The following CSMD3 variants were observed in gnomAD, a reference collection of about 807,000 sequenced individuals.
The protein encoded by CSMD3 is CUB and Sushi multiple domains 3.
CSMD3 carries 177 observed loss-of-function variants against 435.2 expected under a neutral mutation model. The ratio of observed to expected loss-of-function variants is 0.41; its 90% CI spans 0.36 to 0.46. The LOEUF (loss-of-function observed/expected upper bound fraction) is 0.46, where lower values mean the gene tolerates loss of function less well. Among genes scored for constraint, CSMD3 ranks in the 20% least tolerant of loss-of-function variants. CSMD3 has a pLI of 0.34. For missense variants in CSMD3, 4,265 were observed against 4,504.6 expected, an observed-to-expected ratio of 0.95 and a Z score of 1.52; for synonymous variants, 1,656 against 1,520.5, an observed-to-expected ratio of 1.09 and a Z score of -2.07.
chr8:112,425,391 A>G (rs1812965218), intron 32 of CSMD3, among the ~76,000 whole-genome samples: 1 of 152,196 alleles, frequency 6.6e-6, no homozygotes, highest in South Asian at 2.1e-4. Flanking sequence ...GAGGGTGAGA[A>G]GGAGTCTTAA....
chr8:112,637,413 T>C (rs997599748), intron 21 of CSMD3, among the ~76,000 whole-genome samples: 3 of 152,144 alleles, frequency 2.0e-5, no homozygotes, highest in African/African-American at 7.2e-5. Context: ...TTTTGCTTAA[T>C]ATTTTACATT....
intron 13 of CSMD3, among the ~76,000 whole-genome samples, chr8:112,718,096 T>A (rs965980025): frequency 6.6e-6 from 1 of 151,950 alleles, no homozygotes; most frequent in African/African-American, 2.4e-5. Flanking sequence ...TAATAAAAAA[T>A]AGACTCTAGT....
intron 10 of CSMD3, among the ~76,000 whole-genome samples, chr8:112,903,447 T>C (rs2082164278): frequency 6.6e-6 from 1 of 151,240 alleles, no homozygotes; most frequent in Admixed American, 6.6e-5. Flanking sequence ...GGTGGAGTTA[T>C]TATTATTAGA....
chr8:112,775,306 AAAG>A (rs1451150892), intron 13 of CSMD3, among the ~76,000 whole-genome samples: 4 of 151,874 alleles, frequency 2.6e-5, no homozygotes, highest in Non-Finnish European at 5.9e-5. Flanking sequence ...AACTGCCTTA[AAAG>A]AAGAACTCAA....
At chr8:112,714,116 G>A (rs770139381) in intron 13 of CSMD3, among the ~76,000 whole-genome samples, 19 of 151,950 alleles carry the variant, frequency 1.3e-4, no homozygotes, top group Non-Finnish European at 2.8e-4. Flanking sequence ...CAATTAAAAG[G>A]CACAGACTGG....
chr8:113,422,838 T>G (rs746371133), intron 1 of CSMD3, among the ~76,000 whole-genome samples: 1 of 152,048 alleles, frequency 6.6e-6, no homozygotes, highest in Non-Finnish European at 1.5e-5. Context: ...CAGATAACAT[T>G]GTATTTAGGT....
intron 40 of CSMD3, among the ~76,000 whole-genome samples, chr8:112,347,059 G>T (rs1183554746): frequency 6.6e-6 from 1 of 151,890 alleles, no homozygotes; most frequent in Non-Finnish European, 1.5e-5. Context: ...TATCCTAAAA[G>T]AATCAAGACA....
chr8:112,686,160 A>T lies in CSMD3; in HGVS notation c.2156-428T>A, dbSNP rs977580533. Among the ~76,000 whole-genome samples, 22 of 152,310 alleles carry T rather than the reference A, an allele frequency of 1.4e-4. 2 individuals carry two copies. Among genetic ancestry groups the T allele is most frequent in the Admixed American group, 1.2e-3 (19 of 15,296 alleles). On this transcript the variant is annotated intron_variant, in intron 14 of 70. Coordinates refer to ENST00000297405, the MANE Select transcript of CSMD3 (RefSeq NM_198123.2). ...GGTAGCTCAGAAAACACTCAAGGGG[A>T]TGGTTATCAATGTGTGAGTTCCATT...
intron 10 of CSMD3, among the ~76,000 whole-genome samples, chr8:112,878,126 A>G (rs972128975): frequency 1.3e-5 from 2 of 152,202 alleles, no homozygotes; most frequent in Non-Finnish European, 2.9e-5. Context: ...CAGAGTGAAC[A>G]GGCAACCTAT....
chr8:112,800,466 T>C (rs1304358596), intron 12 of CSMD3, among the ~76,000 whole-genome samples, 192 bp from the exon 13 acceptor site: 1 of 152,012 alleles, frequency 6.6e-6, no homozygotes, highest in Non-Finnish European at 1.5e-5. Context: ...ATAAAAATAT[T>C]ATTCTGTGTT....
intron 30 of CSMD3, among the ~76,000 whole-genome samples, chr8:112,498,705 GTTTC>G (rs915981946): frequency 3.9e-5 from 6 of 152,056 alleles, no homozygotes; most frequent in Admixed American, 1.3e-4. Flanking sequence ...TTGTTAAAAG[GTTTC>G]TTTCTTTCTT....
intron 13 of CSMD3, among the ~76,000 whole-genome samples, chr8:112,701,572 G>C (rs1180656000): frequency 1.3e-5 from 2 of 152,144 alleles, no homozygotes; most frequent in Non-Finnish European, 2.9e-5. Context: ...GTCCACTGTT[G>C]AAAGGGAAAG....
chr8:113,003,810 G>A (rs16884275), intron 6 of CSMD3, among the ~76,000 whole-genome samples: 14,668 of 151,872 alleles, frequency 0.097, 1,065 homozygotes, highest in African/African-American at 0.2. Context: ...AACTTAAATC[G>A]CACAAGAGAT....
At chr8:112,396,491 C>A (rs1335160155) in intron 35 of CSMD3, among the ~76,000 whole-genome samples, 1 of 152,034 alleles carries the variant, frequency 6.6e-6, no homozygotes, top group Non-Finnish European at 1.5e-5. Flanking sequence ...AGTTTGAAAC[C>A]TCAGATTTGT....
rs570192565 is a variant in CSMD3 at position 113,019,548 on chromosome 8, CTTAT to C, written c.918-373_918-370del. Among the ~76,000 whole-genome samples, 141 of 148,424 alleles carry C rather than the reference CTTAT, an allele frequency of 9.5e-4. 1 individual carries two copies. Among genetic ancestry groups the C allele is most frequent in the Middle Eastern group, 3.6e-3 (1 of 280 alleles). On this transcript the variant is annotated intron_variant, in intron 5 of 70. Coordinates refer to ENST00000297405, the MANE Select transcript of CSMD3 (RefSeq NM_198123.2). The stretch of plus-strand genomic sequence containing the variant: ...ATATATTGTTTATTATTTATTATAT[CTTAT>C]TTATTATTTATTATATATATTGTAT...
intron 7 of CSMD3, among the ~76,000 whole-genome samples, chr8:112,973,941 T>C (rs1431261404): frequency 2.0e-5 from 3 of 151,920 alleles, no homozygotes; most frequent in East Asian, 1.9e-4. Context: ...TATAATGTTT[T>C]ACATCTACTT....
intron 69 of CSMD3, among the ~76,000 whole-genome samples, chr8:112,230,057 C>G (rs1812947913): frequency 6.6e-6 from 1 of 152,064 alleles, no homozygotes; most frequent in Non-Finnish European, 1.5e-5. Context: ...TCAGTAAATG[C>G]CGATGGCATT....
At chr8:112,699,120 C>G (rs140673831) in intron 13 of CSMD3, among the ~76,000 whole-genome samples, 1,774 of 152,188 alleles carry the variant, frequency 0.012, 30 homozygotes, top group African/African-American at 0.039. Flanking sequence ...GCAACCCGCT[C>G]GCGTCCCCTT....
At chr8:113,172,556 T>C (rs527691209) in intron 4 of CSMD3, among the ~76,000 whole-genome samples, 1 of 152,290 alleles carries the variant, frequency 6.6e-6, no homozygotes, top group South Asian at 2.1e-4. Context: ...TCACAAGAAA[T>C]GGAACAGGTG....
Sources: allele counts gnomAD v4.1 joint callset (sites outside exome capture counted in the v4.1 genomes callset), GRCh38; gene constraint gnomAD v4.1.1; transcripts MANE v1.5; gene names NCBI Gene and HGNC (gene_info 2026-07-23, HGNC 2026-07-21).